Variants in ANGPT1 observed in about 807,000 individuals in gnomAD.
ANGPT1 encodes angiopoietin-1.
ANGPT1 carries 17 observed loss-of-function variants against 62.2 expected under a neutral mutation model. The observed-to-expected ratio is 0.27, with a 90% CI of 0.19 to 0.41. The LOEUF (loss-of-function observed/expected upper bound fraction) is 0.41, where lower values mean the gene tolerates loss of function less well. Among genes scored for constraint, ANGPT1 ranks in the 10% least tolerant of loss-of-function variants. ANGPT1 has a pLI of 1.00. For synonymous variants in ANGPT1, 199 were observed against 198.9 expected (o/e 1.00, Z 0.00); for missense variants, 478 against 594.9 (o/e 0.80, Z 2.04).
chr8:107,268,154 GAGAT>G (rs1334726159), intron 7 of ANGPT1, among the ~76,000 whole-genome samples: 1 of 152,066 alleles, frequency 6.6e-6, no homozygotes, highest in Non-Finnish European at 1.5e-5. Context: ...AACAGTCTCT[GAGAT>G]AGAGAAAGGC....
At chr8:107,438,514 AT>A (rs1811394136) in intron 1 of ANGPT1, among the ~76,000 whole-genome samples, 1 of 152,160 alleles carries the variant, frequency 6.6e-6, no homozygotes, top group Non-Finnish European at 1.5e-5. Context: ...AAAGGTGGTA[AT>A]TTTATTCTAA....
intron 1 of ANGPT1, among the ~76,000 whole-genome samples, chr8:107,430,504 T>C (rs1811155346): frequency 6.6e-6 from 1 of 152,208 alleles, no homozygotes; most frequent in South Asian, 2.1e-4. Flanking sequence ...ATTGCATCCG[T>C]GTGGTAGGCT....
chr8:107,452,063 C>T (rs1365148795), intron 1 of ANGPT1, among the ~76,000 whole-genome samples: 2 of 151,330 alleles, frequency 1.3e-5, no homozygotes, highest in African/African-American at 2.4e-5. Context: ...TGTGTCTTAG[C>T]CACAAGTTCC....
At chr8:107,414,343 A>G (rs1810681452) in intron 1 of ANGPT1, among the ~76,000 whole-genome samples, 1 of 152,194 alleles carries the variant, frequency 6.6e-6, no homozygotes, top group Non-Finnish European at 1.5e-5. Context: ...AAATGTTCTC[A>G]ATACAAAGGA....
chr8:107,352,130 T>C (rs1443667256), intron 1 of ANGPT1, among the ~76,000 whole-genome samples: 1 of 152,164 alleles, frequency 6.6e-6, no homozygotes, highest in Admixed American at 6.6e-5. Context: ...AGCATATTGT[T>C]ACCAATGTTA....
At chr8:107,375,826 C>T (rs910758153) in intron 1 of ANGPT1, among the ~76,000 whole-genome samples, 17 of 152,272 alleles carry the variant, frequency 1.1e-4, no homozygotes, top group Admixed American at 7.2e-4. Context: ...GATAAGAGCA[C>T]AGGGGAGGCC....
chr8:107,299,418 TATAA>T (rs1346517346), intron 5 of ANGPT1, among the ~76,000 whole-genome samples: 1 of 127,832 alleles, frequency 7.8e-6, no homozygotes, highest in Non-Finnish European at 1.7e-5. Flanking sequence ...TATATATATA[TATAA>T]ACATACATAT....
At chr8:107,481,394 C>A (rs575625199) in intron 1 of ANGPT1, among the ~76,000 whole-genome samples, 2 of 151,392 alleles carry the variant, frequency 1.3e-5, no homozygotes, top group African/African-American at 4.9e-5. Context: ...ATTAGCCAGG[C>A]GCGGTGGCGG....
intron 4 of ANGPT1, among the ~76,000 whole-genome samples, chr8:107,305,077 G>A (rs1004800064): frequency 2.0e-5 from 3 of 151,856 alleles, no homozygotes; most frequent in Admixed American, 2.0e-4. Flanking sequence ...ACTGGTATTC[G>A]TTTATTCTAA....
chr8:107,432,182 G>T (rs931352708), intron 1 of ANGPT1, among the ~76,000 whole-genome samples: 1 of 150,704 alleles, frequency 6.6e-6, no homozygotes, highest in Non-Finnish European at 1.5e-5. Flanking sequence ...TTTAAAAAGA[G>T]AATACTTCAC....
chr8:107,400,674 C>A (rs1176555970), intron 1 of ANGPT1, among the ~76,000 whole-genome samples: 3 of 151,624 alleles, frequency 2.0e-5, no homozygotes, highest in Non-Finnish European at 2.9e-5. Context: ...ATTCTCCTGT[C>A]TCAGCCTCCT....
chr8:107,290,424 C>A (rs566546406), intron 6 of ANGPT1, among the ~76,000 whole-genome samples: 1 of 152,038 alleles, frequency 6.6e-6, no homozygotes, highest in Non-Finnish European at 1.5e-5. Flanking sequence ...GGATGTACAC[C>A]CTTAGCTGAA....
intron 1 of ANGPT1, among the ~76,000 whole-genome samples, chr8:107,431,199 G>A (rs1052961299): frequency 2.1e-4 from 32 of 152,148 alleles, no homozygotes; most frequent in African/African-American, 7.2e-4. Flanking sequence ...ACATTACATT[G>A]TATATAGTAT....
Position 107,442,186 on chromosome 8 carries a change from C to T in ANGPT1, c.297+55076G>A, listed in dbSNP as rs73699707. Among the ~76,000 whole-genome samples the T allele has an allele frequency of 8.0e-3, 1,220 of 152,262 alleles. 15 individuals carry two copies. Among genetic ancestry groups the T allele is most frequent in the African/African-American group, 0.028 (1,154 of 41,536 alleles). On this transcript the variant is annotated intron_variant, in intron 1 of 8. Transcript: ENST00000517746. ...CGTGTATTTAAACATTTGCATGTTTCACATATGCTCATGCACGTACCTCCT... is the reference window on the plus strand; with the variant it reads ...CGTGTATTTAAACATTTGCATGTTTTACATATGCTCATGCACGTACCTCCT...
chr8:107,311,995 CG>C (rs1586212516), intron 4 of ANGPT1, among the ~76,000 whole-genome samples: 1 of 145,674 alleles, frequency 6.9e-6, no homozygotes, highest in East Asian at 2.1e-4. Context: ...ACCTGGGAGG[CG>C]GAGCTTGCAG....
At chr8:107,266,083 T>C (rs1446857079) in intron 7 of ANGPT1, among the ~76,000 whole-genome samples, 4 of 152,162 alleles carry the variant, frequency 2.6e-5, no homozygotes. Flanking sequence ...TACAAGCTTG[T>C]ATTTTAAAAC....
rs184490262 is a variant in ANGPT1 at position 107,438,081 on chromosome 8, T to C, written c.297+59181A>G. Among the ~76,000 whole-genome samples, 5 of 152,274 alleles carry C rather than the reference T, an allele frequency of 3.3e-5. No homozygotes were observed. The East Asian group carries it at 9.7e-4, about 29-fold the overall frequency. On this transcript the variant is annotated intron_variant, in intron 1 of 8. Transcript: ENST00000517746. ...AAGCATCCGATAGGTGCCAAACACC[T>C]TAACCCTCCACAATGTTACCCAAGT...
At chr8:107,331,598 T>C (rs183525090) in intron 3 of ANGPT1, among the ~76,000 whole-genome samples, 1 of 152,302 alleles carries the variant, frequency 6.6e-6, no homozygotes, top group East Asian at 1.9e-4. Context: ...CATAAGCAAC[T>C]TACTTGATTT....
chr8:107,332,033 G>C (rs1815434427), intron 3 of ANGPT1, among the ~76,000 whole-genome samples: 2 of 152,128 alleles, frequency 1.3e-5, no homozygotes, highest in African/African-American at 4.8e-5. Flanking sequence ...CTGGCCAGTT[G>C]ACCAAACCTT....
Sources: allele counts gnomAD v4.1 joint callset (sites outside exome capture counted in the v4.1 genomes callset), GRCh38; gene constraint gnomAD v4.1.1; transcripts MANE v1.5; gene names NCBI Gene and HGNC (gene_info 2026-07-23, HGNC 2026-07-21).